Variants in CTNNA3 observed in about 807,000 individuals in gnomAD.
CTNNA3 encodes the protein catenin alpha 3.
Under a neutral mutation model 95.7 loss-of-function variants are expected in CTNNA3, and 76 were observed. The observed-to-expected ratio is 0.79, with a 90% CI of 0.66 to 0.96. CTNNA3 has a LOEUF of 0.96. CTNNA3 is among the 40% of genes least tolerant of loss of function. The probability of loss-of-function intolerance (pLI) is 0.00; values close to 1 mark genes in which losing one functional copy is unlikely to be tolerated. For missense variants in CTNNA3, 1,191 were observed against 1,089.8 expected (o/e 1.09, Z -1.31); for synonymous variants, 431 against 374.4 (o/e 1.15, Z -1.74).
intron 9 of CTNNA3, among the ~76,000 whole-genome samples, chr10:66,725,509 T>C (rs1186822293): frequency 6.6e-6 from 1 of 152,128 alleles, no homozygotes; most frequent in East Asian, 1.9e-4. Context: ...AATAAACCCA[T>C]GTATCATTGC....
rs573267308 is a variant in CTNNA3, at chr10:67,069,415, G to A, written c.1047+110902C>T. 5.3e-5 allele frequency among the ~76,000 whole-genome samples: 8 copies of A among 152,044 alleles called. No homozygotes were observed. The South Asian group carries it at 1.7e-3, about 32-fold the overall frequency. On this transcript the variant is annotated intron_variant, in intron 7 of 17. Transcript: ENST00000433211. ...CTTATTAACTCAAAAAACGCTCATT[G>A]TAATTAACTTGTTTTTGAAGTATAA...
intron 13 of CTNNA3, among the ~76,000 whole-genome samples, chr10:66,242,958 T>G (rs529690304): frequency 6.6e-5 from 10 of 152,230 alleles, no homozygotes; most frequent in Middle Eastern, 3.4e-3. Context: ...AAAATAAAAT[T>G]CTAAGCCCCC....
At chr10:67,684,858 T>C (rs572098375) in intron 1 of CTNNA3, among the ~76,000 whole-genome samples, 1 of 152,194 alleles carries the variant, frequency 6.6e-6, no homozygotes, top group African/African-American at 2.4e-5. Flanking sequence ...GGAGAAGCCA[T>C]GTTGCCCAAC....
intron 1 of CTNNA3, among the ~76,000 whole-genome samples, chr10:67,653,442 C>A (rs1002248554): frequency 1.1e-4 from 17 of 152,160 alleles, no homozygotes; most frequent in African/African-American, 4.1e-4. Context: ...TGTACCCCTA[C>A]ACAGATACAT....
intron 1 of CTNNA3, among the ~76,000 whole-genome samples, chr10:67,739,470 A>T (rs996634580): frequency 6.6e-6 from 1 of 152,212 alleles, no homozygotes; most frequent in Non-Finnish European, 1.5e-5. Flanking sequence ...CTCAGGATAC[A>T]AAATCAGTGT....
chr10:66,971,033 T>G (rs1264491349), intron 7 of CTNNA3, among the ~76,000 whole-genome samples: 1 of 152,192 alleles, frequency 6.6e-6, no homozygotes, highest in Non-Finnish European at 1.5e-5. Flanking sequence ...GTATTTGCAT[T>G]ATTTGCTCTT....
chr10:67,158,678 A>T (rs1861408854), intron 7 of CTNNA3, among the ~76,000 whole-genome samples: 1 of 152,210 alleles, frequency 6.6e-6, no homozygotes, highest in Non-Finnish European at 1.5e-5. Flanking sequence ...AGGAGAACTT[A>T]AAACTCTTAT....
intron 1 of CTNNA3, among the ~76,000 whole-genome samples, chr10:67,654,160 A>C (rs900363787): frequency 1.3e-5 from 2 of 151,970 alleles, no homozygotes; most frequent in South Asian, 4.1e-4. Flanking sequence ...CACCTCCACC[A>C]CCTCCTTCTA....
intron 5 of CTNNA3, among the ~76,000 whole-genome samples, chr10:67,483,957 A>C (rs1848348823): frequency 6.6e-6 from 1 of 152,172 alleles, no homozygotes; most frequent in South Asian, 2.1e-4. Context: ...GACATTTTTC[A>C]CAGGATTAGA....
intron 9 of CTNNA3, among the ~76,000 whole-genome samples, chr10:66,624,004 G>T (rs914245135): frequency 2.6e-5 from 4 of 152,100 alleles, no homozygotes; most frequent in African/African-American, 9.7e-5. Context: ...AATACAGCCT[G>T]CAAATAAGAT....
chr10:66,559,298 G>T (rs1842479910), intron 10 of CTNNA3, among the ~76,000 whole-genome samples: 1 of 151,948 alleles, frequency 6.6e-6, no homozygotes, highest in African/African-American at 2.4e-5. Flanking sequence ...AGGACAAAAG[G>T]ACTTGACATG....
intron 7 of CTNNA3, among the ~76,000 whole-genome samples, chr10:66,865,537 T>G (rs1844139758): frequency 6.6e-6 from 1 of 152,132 alleles, no homozygotes; most frequent in Non-Finnish European, 1.5e-5. Flanking sequence ...TTTATGCATA[T>G]AATTTTCATA....
At chr10:67,449,488 AG>A (rs1358550556) in intron 5 of CTNNA3, among the ~76,000 whole-genome samples, 1 of 151,766 alleles carries the variant, frequency 6.6e-6, no homozygotes, top group African/African-American at 2.4e-5. Flanking sequence ...AGAGGCACCT[AG>A]CCCAGAAATA....
At chr10:66,354,295 A>G (rs1348205294) in intron 12 of CTNNA3, among the ~76,000 whole-genome samples, 1 of 141,422 alleles carries the variant, frequency 7.1e-6, no homozygotes, top group Non-Finnish European at 1.6e-5. Context: ...AAAAATAAAA[A>G]AAAAAAGTCT....
intron 7 of CTNNA3, among the ~76,000 whole-genome samples, chr10:67,125,482 A>AAATTT (rs1413815958): frequency 6.6e-6 from 1 of 152,200 alleles, no homozygotes; most frequent in Non-Finnish European, 1.5e-5. Context: ...CTAAAAGTGT[A>AAATTT]TCCTAGAATA....
chr10:67,063,590 G>A (rs1855891269), intron 7 of CTNNA3, among the ~76,000 whole-genome samples: 1 of 152,166 alleles, frequency 6.6e-6, no homozygotes, highest in South Asian at 2.1e-4. Context: ...TGGGACCAGT[G>A]AATATCTGCC....
At chr10:67,439,075 GT>G (rs552689542) in intron 5 of CTNNA3, among the ~76,000 whole-genome samples, 71 of 152,186 alleles carry the variant, frequency 4.7e-4, no homozygotes, top group African/African-American at 1.7e-3. Context: ...AAAACGGGGT[GT>G]TTTTTCTACT....
At chr10:66,232,372 G>A (rs2089630124) in intron 13 of CTNNA3, among the ~76,000 whole-genome samples, 1 of 151,824 alleles carries the variant, frequency 6.6e-6, no homozygotes, top group South Asian at 2.1e-4. Context: ...AAAATCCCAG[G>A]ACCTTTCTGT....
chr10:66,062,447 G>T (rs2080222397), intron 15 of CTNNA3, among the ~76,000 whole-genome samples: 1 of 151,938 alleles, frequency 6.6e-6, no homozygotes, highest in Non-Finnish European at 1.5e-5. Flanking sequence ...CTACAAACAA[G>T]CGAAAAACCT....
Sources: gnomAD v4.1 joint callset for allele counts (sites outside exome capture counted in the v4.1 genomes callset) on GRCh38, gnomAD v4.1.1 for gene constraint, MANE v1.5 for transcripts, NCBI Gene and HGNC (gene_info 2026-07-23, HGNC 2026-07-21) for gene names.